Variants in SLC31A1 observed in about 807,000 individuals in gnomAD.
SLC31A1 encodes solute carrier family 31 member 1.
Under a neutral mutation model 17.2 loss-of-function variants are expected in SLC31A1, and 5 were observed. The observed-to-expected ratio is 0.29, with a 90% CI of 0.15 to 0.61. SLC31A1 has a LOEUF of 0.61. Ranked by LOEUF, SLC31A1 falls within the 20% of genes least tolerant of loss-of-function variation. SLC31A1 has a pLI of 0.86. For synonymous variants in SLC31A1, 76 were observed against 78.8 expected (o/e 0.96, Z 0.19); for missense variants, 161 against 241.4 (o/e 0.67, Z 2.21).
chr9:113,249,279 A>G (rs1230882213), intron 1 of SLC31A1, among the ~76,000 whole-genome samples: 1 of 146,500 alleles, frequency 6.8e-6, no homozygotes, highest in Admixed American at 7.0e-5. Context: ...GTTAAAGAAA[A>G]CTAGTATACC....
intron 1 of SLC31A1, among the ~76,000 whole-genome samples, chr9:113,241,085 GAGTAGGTC>G (rs1831517028): frequency 6.6e-6 from 1 of 151,484 alleles, no homozygotes; most frequent in South Asian, 2.1e-4. Flanking sequence ...GAGGAAAAGT[GAGTAGGTC>G]AGTTTCAGTG....
At chr9:113,232,432 A>G (rs2118987899) in intron 1 of SLC31A1, among the ~76,000 whole-genome samples, 1 of 152,256 alleles carries the variant, frequency 6.6e-6, no homozygotes, top group East Asian at 1.9e-4. Context: ...AATCAAATTG[A>G]AAAAAATGAC....
At chr9:113,226,867 A>C (rs1353649574) in intron 1 of SLC31A1, among the ~76,000 whole-genome samples, 2 of 152,200 alleles carry the variant, frequency 1.3e-5, no homozygotes, top group Non-Finnish European at 2.9e-5. Flanking sequence ...TAGTCATTTA[A>C]TTTATGAAAT....
intron 2 of SLC31A1, 28 bp downstream of exon 2, chr9:113,256,305 G>A (rs762580892): frequency 6.2e-7 from 1 of 1,613,036 alleles, no homozygotes; most frequent in South Asian, 1.1e-5. Flanking sequence ...GGCAATGCAG[G>A]CCCTTTCCCA....
Position 113,260,501 on chromosome 9 carries a change from G to T in SLC31A1, c.*28G>T. 6.3e-7 allele frequency: 1 copy of T among 1,591,198 alleles called. No individual in the cohort carries two copies. The highest frequency in any genetic ancestry group is 8.6e-7 in the Non-Finnish European group (1 of 1,164,504). ...TCAAACTCTATGGCGTGGCCTTATC[G>T]ATTGCAGTGGGAAGTTGTTGAAGAC... On this transcript the variant is annotated 3_prime_UTR_variant, in exon 5 of 5. Transcript: ENST00000374212.
chr9:113,256,971 A>G (rs1831735840), intron 2 of SLC31A1, 142 bp from the exon 3 acceptor site: 2 of 736,926 alleles, frequency 2.7e-6, no homozygotes, highest in South Asian at 1.5e-5. Context: ...TAACGCTAAC[A>G]TGAGGGCAAA....
chr9:113,257,478 A>ATT (rs532189321), intron 3 of SLC31A1, among the ~76,000 whole-genome samples: 626 of 101,054 alleles, frequency 6.2e-3, no homozygotes, highest in East Asian at 8.9e-3. Context: ...AGAGTGTTTA[A>ATT]TTTTTTTTTT....
Position 113,258,910 on chromosome 9 carries a change from T to G in SLC31A1, c.371+48T>G. On this transcript the variant is annotated intron_variant, in intron 4 of 4. Coordinates refer to ENST00000374212, the MANE Select transcript of SLC31A1 (RefSeq NM_001859.4). The surrounding 1 kb of genome is among the most constrained non-coding windows in gnomAD (Gnocchi z 4.8). ...TGAAGTCCTAAAGAACTCGATCAGT[T>G]AAGCAGCAAAGCGCAGCTGTGTGAT... The G allele has an allele frequency of 6.3e-7, 1 of 1,588,910 alleles. No individual in the cohort carries two copies. Among genetic ancestry groups the G allele is most frequent in the Non-Finnish European group, 8.6e-7 (1 of 1,157,020 alleles).
chr9:113,236,677 C>G (rs183062708), intron 1 of SLC31A1, among the ~76,000 whole-genome samples: 232 of 152,214 alleles, frequency 1.5e-3, no homozygotes, highest in African/African-American at 5.3e-3. Context: ...TGAAACTATT[C>G]TTATATGTAC....
At chr9:113,255,956 G>T in intron 1 of SLC31A1, 158 bp from the exon 2 acceptor site, 1 of 432,688 alleles carries the variant, frequency 2.3e-6, no homozygotes, top group East Asian at 4.1e-5. Context: ...AATGGAGCAG[G>T]TCAAAACTCC....
chr9:113,261,160 G>A lies in SLC31A1; in HGVS notation c.*687G>A, dbSNP rs569571389. ...GCCTGTAATCCCAGCTACTCAGAAG[G>A]CTGAGGCAGGAGAATCACTTGAACC... On this transcript the variant is annotated 3_prime_UTR_variant, in exon 5 of 5. Coordinates refer to ENST00000374212, the MANE Select transcript of SLC31A1 (RefSeq NM_001859.4). The A allele has an allele frequency of 2.6e-4, 40 of 154,092 alleles. No homozygotes were observed. The South Asian group carries it at 6.9e-3, about 27-fold the overall frequency. The allele number at this position is 154,092 out of a possible 1,614,324, so 9.5% of individuals were successfully genotyped here.
At chr9:113,238,647 G>A (rs181161486) in intron 1 of SLC31A1, among the ~76,000 whole-genome samples, 2 of 152,216 alleles carry the variant, frequency 1.3e-5, no homozygotes, top group East Asian at 1.9e-4. Flanking sequence ...CTGTAATCCC[G>A]CCTACTTGGA....
intron 1 of SLC31A1, among the ~76,000 whole-genome samples, chr9:113,236,098 G>A (rs552556686): frequency 6.6e-6 from 1 of 151,778 alleles, no homozygotes; most frequent in Non-Finnish European, 1.5e-5. Flanking sequence ...AGCAATTCTC[G>A]TGCCTCAGCT....
chr9:113,229,093 G>A lies in SLC31A1; in HGVS notation c.-36+7415G>A, dbSNP rs183916739. Among the ~76,000 whole-genome samples, 421 of 152,298 alleles carry A rather than the reference G, an allele frequency of 2.8e-3. 1 individual carries two copies. The highest frequency in any genetic ancestry group is 9.5e-3 in the African/African-American group (394 of 41,568). ...ACTCCTGACCTCAGGTGATCCGCCCGCCATGGCCTCCCAAAGTGCTGGGAT... is the reference window on the plus strand; with the variant it reads ...ACTCCTGACCTCAGGTGATCCGCCCACCATGGCCTCCCAAAGTGCTGGGAT... On this transcript the variant is annotated intron_variant, in intron 1 of 4. Transcript: ENST00000374212.
intron 1 of SLC31A1, among the ~76,000 whole-genome samples, chr9:113,234,531 A>C (rs1041709440): frequency 8.4e-6 from 1 of 118,900 alleles, no homozygotes; most frequent in Non-Finnish European, 1.6e-5. Context: ...TTGAACATCC[A>C]GTTCTTAGAT....
chr9:113,260,209 C>T lies in SLC31A1; in HGVS notation c.372-63C>T. 2.1e-6 allele frequency: 3 copies of T among 1,454,144 alleles called. No individual in the cohort carries two copies. The South Asian group carries it at 3.4e-5, about 17-fold the overall frequency. The allele number at this position is 1,454,144 out of a possible 1,614,324, so 90.1% of individuals were successfully genotyped here. A position where few individuals can be genotyped will look rare whatever the true frequency, so the allele number is the denominator to read the frequency against. ...GAGCTCATGGCAAGAACTCTTCCCTCTTTCTCCTGATCTGCAGAACTCCTA... is the reference window on the plus strand; with the variant it reads ...GAGCTCATGGCAAGAACTCTTCCCTTTTTCTCCTGATCTGCAGAACTCCTA... On this transcript the variant is annotated intron_variant, in intron 4 of 4. Transcript: ENST00000374212.
chr9:113,242,058 G>A (rs927732810), intron 1 of SLC31A1, among the ~76,000 whole-genome samples: 39 of 152,240 alleles, frequency 2.6e-4, no homozygotes, highest in Middle Eastern at 3.4e-3. Context: ...GCATGGTAGC[G>A]GGCGCCTGTA....
rs35589001 is a variant in SLC31A1 at position 113,246,351 on chromosome 9, A to AT, written c.-35-9753dup. On this transcript the variant is annotated intron_variant, in intron 1 of 4. Transcript: ENST00000374212. ...TGAGCCACCATGCCCGGCCATTAAG[A>AT]TTTTTTTTTTCTTTTTTTGAGATGG... Among the ~76,000 whole-genome samples the AT allele has an allele frequency of 9.5e-5, 14 of 146,822 alleles. No homozygotes were observed. The South Asian group carries it at 1.3e-3, about 14-fold the overall frequency.
chr9:113,225,060 A>G (rs903504749), intron 1 of SLC31A1, among the ~76,000 whole-genome samples: 3 of 152,198 alleles, frequency 2.0e-5, no homozygotes, highest in Admixed American at 2.0e-4. Flanking sequence ...ATTGCTTTAC[A>G]TAGTATTTAC....
Sources: allele counts gnomAD v4.1 joint callset (sites outside exome capture counted in the v4.1 genomes callset), GRCh38; gene constraint gnomAD v4.1.1; non-coding constraint Gnocchi (gnomAD v3.1); transcripts MANE v1.5; gene names NCBI Gene and HGNC (gene_info 2026-07-23, HGNC 2026-07-21).